The following APPL2 variants were observed in gnomAD, a reference collection of about 807,000 sequenced individuals.
The protein encoded by APPL2 is DCC-interacting protein 13-beta.
In APPL2, 84 loss-of-function variants were observed where a neutral mutation model predicts 92.7. The observed-to-expected ratio is 0.91, with a 90% CI of 0.76 to 1.09. The LOEUF is 1.09. APPL2 is among the 50% of genes least tolerant of loss of function. The pLI is 0.00. For missense variants in APPL2, 736 were observed against 824.5 expected, an observed-to-expected ratio of 0.89 and a Z score of 1.31; for synonymous variants, 291 against 291.0, an observed-to-expected ratio of 1.00 and a Z score of 0.00.
At position 105,236,075 on chromosome 12, in the gene APPL2, G is replaced by A. The variant is rs1291110817; in HGVS notation, c.-63C>T. 2.3e-5 allele frequency: 27 copies of A among 1,164,004 alleles called. No individual in the cohort carries two copies. Among genetic ancestry groups the A allele is most frequent in the Non-Finnish European group, 2.6e-5 (24 of 927,848 alleles). The allele number at this position is 1,164,004 out of a possible 1,614,324, so 72.1% of individuals were successfully genotyped here. A position where few individuals can be genotyped will look rare whatever the true frequency, so the allele number is the denominator to read the frequency against. ...ACAGAGGGCAGGAGACGCGGCGGCCGAGAGCACTCCCCGGCTCTGGGCTCA... is the reference window on the plus strand; with the variant it reads ...ACAGAGGGCAGGAGACGCGGCGGCCAAGAGCACTCCCCGGCTCTGGGCTCA... On this transcript the variant is annotated 5_prime_UTR_variant, in exon 1 of 21. Transcript: ENST00000258530.
At chr12:105,202,881 A>C (rs538431289) in intron 9 of APPL2, among the ~76,000 whole-genome samples, 1 of 152,326 alleles carries the variant, frequency 6.6e-6, no homozygotes, top group African/African-American at 2.4e-5. Context: ...ACCTAGATCA[A>C]TTCCCTTGTT....
intron 14 of APPL2, among the ~76,000 whole-genome samples, chr12:105,190,501 G>C (rs1366429208): frequency 6.6e-6 from 1 of 152,180 alleles, no homozygotes; most frequent in Non-Finnish European, 1.5e-5. Flanking sequence ...AATGTTAGCT[G>C]AATGAACCAA....
At chr12:105,199,290 T>A in intron 10 of APPL2, 83 bp downstream of exon 10, 2 of 1,505,526 alleles carry the variant, frequency 1.3e-6, no homozygotes, top group Non-Finnish European at 1.8e-6. Context: ...CCTCTGACTT[T>A]AATGAGGCAC....
rs1440267028 is a variant in APPL2 at position 105,223,115 on chromosome 12, C to T, written c.154-5390G>A. ...CCTTTTCCTTGTGGTTACAGAGAGC[C>T]ACGGAGGCGTCTGAAGATGAGGAGG... On this transcript the variant is annotated intron_variant, in intron 2 of 20. Transcript: ENST00000258530. Among the ~76,000 whole-genome samples, 3 of 152,276 alleles carry T rather than the reference C, an allele frequency of 2.0e-5. No homozygotes were observed. The East Asian group carries it at 5.8e-4, about 29-fold the overall frequency.
chr12:105,201,987 G>C (rs1440995135), intron 9 of APPL2, among the ~76,000 whole-genome samples: 4 of 152,150 alleles, frequency 2.6e-5, no homozygotes, highest in African/African-American at 9.7e-5. Flanking sequence ...GGCCTCCCTG[G>C]GTGGGCTGGC....
chr12:105,200,895 T>C (rs1888136256), intron 9 of APPL2, among the ~76,000 whole-genome samples: 1 of 142,082 alleles, frequency 7.0e-6, no homozygotes, highest in East Asian at 2.2e-4. Context: ...TATCTATCTA[T>C]CTATCTATCC....
Position 105,232,543 on chromosome 12 carries a change from T to C in APPL2, c.55-3320A>G, listed in dbSNP as rs370160698. Reference sequence around the variant, plus strand: ...ACTTTGGGAGGCCAAGACAGGAAGATTGGTTGAGCCCAGGAGTTCAAGACC... The same window carrying C: ...ACTTTGGGAGGCCAAGACAGGAAGACTGGTTGAGCCCAGGAGTTCAAGACC... On this transcript the variant is annotated intron_variant, in intron 1 of 20. Coordinates refer to ENST00000258530, the MANE Select transcript of APPL2 (RefSeq NM_018171.5). Among the ~76,000 whole-genome samples the C allele has an allele frequency of 5.7e-4, 86 of 152,180 alleles. 1 individual carries two copies. In the South Asian group the frequency reaches 0.012, roughly 21 times the overall value.
intron 17 of APPL2, among the ~76,000 whole-genome samples, chr12:105,186,667 T>TATATATGATATAGATATCATTATATC (rs1886710606): frequency 3.0e-5 from 1 of 33,124 alleles, no homozygotes; most frequent in South Asian, 1.3e-3. Flanking sequence ...ATATATATCA[T>TATATATGATATAGATATCATTATATC]ATATATGATA....
intron 11 of APPL2, among the ~76,000 whole-genome samples, chr12:105,197,444 G>A (rs1592784437): frequency 6.6e-6 from 1 of 152,214 alleles, no homozygotes; most frequent in Non-Finnish European, 1.5e-5. Context: ...CAGGCTAGGA[G>A]TAGCCACAGC....
intron 2 of APPL2, among the ~76,000 whole-genome samples, chr12:105,228,405 T>C (rs1890682052): frequency 6.6e-6 from 1 of 152,210 alleles, no homozygotes; most frequent in African/African-American, 2.4e-5. Context: ...GCCCAATCTA[T>C]ATTCCTTAAG....
At chr12:105,185,479 G>C (rs377395369) in intron 17 of APPL2, among the ~76,000 whole-genome samples, 1 of 151,976 alleles carries the variant, frequency 6.6e-6, no homozygotes, top group African/African-American at 2.4e-5. Flanking sequence ...CCTCACTCAC[G>C]GCTTCCCTTG....
intron 14 of APPL2, among the ~76,000 whole-genome samples, chr12:105,194,020 G>A (rs193200955): frequency 1.4e-4 from 22 of 152,154 alleles, no homozygotes; most frequent in African/African-American, 4.3e-4. Context: ...CCCCGTGCCC[G>A]GCATGTGAAC....
Position 105,188,421 on chromosome 12 carries a change from C to A in APPL2, c.1486G>T (p.Val496Phe), listed in dbSNP as rs751084513. Residue 496 changes from valine to phenylalanine, a missense_variant, in exon 17 of 21, where the codon GTT (valine) becomes TTT (phenylalanine). Physicochemically the swap from Val to Phe is conservative, Grantham distance 50 (BLOSUM62 -1). Transcript: ENST00000258530. ...ACTGCCATTGATCCCAAAAACCGAA[C>A]TATAAACATCTGCTGCAAAAGAGAA... ...EDSLLQQMFI[V>F]RFLGSMAVKT... 6.2e-7 allele frequency: 1 copy of A among 1,614,130 alleles called. No homozygotes were observed. Among genetic ancestry groups the A allele is most frequent in the Non-Finnish European group, 8.5e-7 (1 of 1,180,002 alleles).
At chr12:105,201,919 C>T (rs1453751387) in intron 9 of APPL2, among the ~76,000 whole-genome samples, 1 of 152,146 alleles carries the variant, frequency 6.6e-6, no homozygotes, top group Non-Finnish European at 1.5e-5. Flanking sequence ...GCACCTGTGG[C>T]ATCATCCCCC....
chr12:105,233,103 T>G, intron 1 of APPL2: 2 of 985,462 alleles, frequency 2.0e-6, no homozygotes, highest in Non-Finnish European at 2.4e-6. Flanking sequence ...GACAAGAGAA[T>G]AAGCCCCTGA....
chr12:105,207,887 C>T, intron 7 of APPL2, 84 bp downstream of exon 7: 7 of 1,304,448 alleles, frequency 5.4e-6, no homozygotes, highest in Non-Finnish European at 6.6e-6. Context: ...ACCACGCACC[C>T]TTTCATGCCA....
intron 17 of APPL2, among the ~76,000 whole-genome samples, chr12:105,178,526 T>G (rs147622622): frequency 1.3e-5 from 2 of 152,322 alleles, no homozygotes; most frequent in East Asian, 3.9e-4. Context: ...GTGAATTATA[T>G]CTCAGTAAAA....
Position 105,235,944 on chromosome 12 carries a change from A to G in APPL2, c.54+15T>C, listed in dbSNP as rs1891200636. ...CACCCCTGCGGGCGAGGGGCACCGG[A>G]GCGGCGGGAGGTACCTGGGGGCTGT... is the stretch of plus-strand genomic sequence containing the variant. On this transcript the variant is annotated intron_variant, in intron 1 of 20. Coordinates refer to ENST00000258530, the MANE Select transcript of APPL2 (RefSeq NM_018171.5). 1 of 1,241,896 alleles carries G rather than the reference A, an allele frequency of 8.1e-7. No individual in the cohort carries two copies. Among genetic ancestry groups the G allele is most frequent in the East Asian group, 3.2e-5 (1 of 31,162 alleles). The allele number at this position is 1,241,896 out of a possible 1,614,324, so 76.9% of individuals were successfully genotyped here. A position where few individuals can be genotyped will look rare whatever the true frequency, so the allele number is the denominator to read the frequency against.
chr12:105,181,467 G>A (rs1202846680), intron 17 of APPL2, among the ~76,000 whole-genome samples: 1 of 151,868 alleles, frequency 6.6e-6, no homozygotes, highest in African/African-American at 2.4e-5. Context: ...GGATGATGCT[G>A]GCTTCATAAA....
Sources: gnomAD v4.1 joint callset for allele counts (sites outside exome capture counted in the v4.1 genomes callset) on GRCh38, gnomAD v4.1.1 for gene constraint, MANE v1.5 for transcripts, NCBI Gene and HGNC (gene_info 2026-07-23, HGNC 2026-07-21) for gene names.